The following RAET1E variants were observed in gnomAD, a reference collection of about 807,000 sequenced individuals.
The protein encoded by RAET1E is retinoic acid early transcript 1E, also known as NKG2D ligand 4.
In RAET1E, 27 loss-of-function variants were observed where a neutral mutation model predicts 21.1. The observed-to-expected ratio is 1.28, with a 90% CI of 0.94 to 1.76. The LOEUF is 1.76. Among genes scored for constraint, RAET1E ranks in the 40% most tolerant of loss-of-function variants. RAET1E has a pLI of 0.00. For synonymous variants in RAET1E, 113 were observed against 115.0 expected (o/e 0.98, Z 0.11); for missense variants, 310 against 311.3 (o/e 1.00, Z 0.03).
At position 149,888,361 on chromosome 6, in the gene RAET1E, A is replaced by G; in HGVS notation, c.*137T>C. 1 of 1,056,080 alleles carries G rather than the reference A, an allele frequency of 9.5e-7. No homozygotes were observed. Among genetic ancestry groups the G allele is most frequent in the Non-Finnish European group, 1.4e-6 (1 of 712,432 alleles). 65.4% of individuals were successfully genotyped at this position (1,056,080 alleles called of 1,614,324 possible). On this transcript the variant is annotated 3_prime_UTR_variant, in exon 6 of 6. Coordinates refer to ENST00000357183, the MANE Select transcript of RAET1E (RefSeq NM_001394057.1). ...ATTGCTTCATCCCTCCTCTCACTGC[A>G]CATTGTGCTGCCAGCCCTGCTGTGT...
rs1329291767 is a variant in RAET1E at position 149,886,255 on chromosome 6, A to G, written c.*2243T>C. ...GTACTTTTTAATTTGATATATAGTT[A>G]TTTGGAAGCATATTATTTGATATCC... On this transcript the variant is annotated 3_prime_UTR_variant, in exon 6 of 6. Coordinates refer to ENST00000357183, the MANE Select transcript of RAET1E (RefSeq NM_001394057.1). Among the ~76,000 whole-genome samples, 1 of 152,172 alleles carries G rather than the reference A, an allele frequency of 6.6e-6. No individual in the cohort carries two copies. Among genetic ancestry groups the G allele is most frequent in the Non-Finnish European group, 1.5e-5 (1 of 68,016 alleles).
chr6:149,890,822 A>G lies in RAET1E; in HGVS notation c.80T>C (p.Met27Thr), dbSNP rs2115510575. The change falls in exon 3 of 6, where the codon ATG (methionine) becomes ACG (threonine). Residue 27 changes from methionine to threonine, a missense_variant. Transcript: ENST00000357183. ...CTTGTGCTCAGGACACTCACCAACCATGATCTCCAAGGCTATTAGTAGCAA... is the reference window on the plus strand; with the variant it reads ...CTTGTGCTCAGGACACTCACCAACCGTGATCTCCAAGGCTATTAGTAGCAA... ...LLLLLIALEIMVGGHSLCFNF... is the reference protein window; with the variant it reads ...LLLLLIALEITVGGHSLCFNF... 2 of 1,611,048 alleles carry G rather than the reference A, an allele frequency of 1.2e-6. No homozygotes were observed. Among genetic ancestry groups the G allele is most frequent in the Non-Finnish European group, 1.7e-6 (2 of 1,177,380 alleles).
chr6:149,891,732 A>T (rs76917161), intron 2 of RAET1E, among the ~76,000 whole-genome samples: 4,865 of 152,004 alleles, frequency 0.032, 257 homozygotes, highest in African/African-American at 0.11. Context: ...ACAAAAAAAA[A>T]TTTTTTTTTA....
At chr6:149,893,645 A>T (rs996426906) in intron 2 of RAET1E, among the ~76,000 whole-genome samples, 1 of 152,228 alleles carries the variant, frequency 6.6e-6, no homozygotes, top group Admixed American at 6.5e-5. Flanking sequence ...TGTCATCTGC[A>T]AACAGAGACA....
Position 149,888,720 on chromosome 6 carries a change from A to T in RAET1E, c.623-53T>A, listed in dbSNP as rs1189047853. The T allele has an allele frequency of 6.2e-5, 95 of 1,544,558 alleles. 1 individual carries two copies. Among genetic ancestry groups the T allele is most frequent in the Non-Finnish European group, 8.2e-5 (95 of 1,158,412 alleles). ...AGCACAAGCCCTGTCACATAAAAAA[A>T]AAAAGCATAAAAATATGCTTTCCTT... On this transcript the variant is annotated intron_variant, in intron 5 of 5. Coordinates refer to ENST00000357183, the MANE Select transcript of RAET1E (RefSeq NM_001394057.1).
At chr6:149,897,515 T>C (rs949767537) in intron 1 of RAET1E, among the ~76,000 whole-genome samples, 1 of 152,184 alleles carries the variant, frequency 6.6e-6, no homozygotes, top group Non-Finnish European at 1.5e-5. Flanking sequence ...CACAGCCTTT[T>C]TGTGGCAGTG....
chr6:149,892,962 G>T (rs113026383), intron 2 of RAET1E, among the ~76,000 whole-genome samples: 3 of 151,952 alleles, frequency 2.0e-5, no homozygotes, highest in Non-Finnish European at 2.9e-5. Context: ...TTAAACAGGG[G>T]ATCTTTTCCC....
rs903672988 is a variant in RAET1E, at chr6:149,886,591, C to T, written c.*1907G>A. On this transcript the variant is annotated 3_prime_UTR_variant, in exon 6 of 6. Coordinates refer to ENST00000357183, the MANE Select transcript of RAET1E (RefSeq NM_001394057.1). Reference sequence around the variant, plus strand: ...TGTATTTTTAGTAGAGACAGGGTTTCGCCATGTTGGCCAGGCTGGTCTCGA... The same window carrying T: ...TGTATTTTTAGTAGAGACAGGGTTTTGCCATGTTGGCCAGGCTGGTCTCGA... Among the ~76,000 whole-genome samples, 4 of 152,178 alleles carry T rather than the reference C, an allele frequency of 2.6e-5. No individual in the cohort carries two copies. Among genetic ancestry groups the T allele is most frequent in the African/African-American group, 2.4e-5 (1 of 41,450 alleles).
chr6:149,892,972 C>T lies in RAET1E; in HGVS notation c.-133-1938G>A, dbSNP rs144901485. On this transcript the variant is annotated intron_variant, in intron 2 of 5. Transcript: ENST00000357183. ...ATTTATTAAACAGGGGATCTTTTCC[C>T]CATTGCTTGTGTGTGTCAGGTTTGT... Among the ~76,000 whole-genome samples, 237 of 152,246 alleles carry T rather than the reference C, an allele frequency of 1.6e-3. 1 individual carries two copies. The highest frequency in any genetic ancestry group is 5.6e-3 in the African/African-American group (231 of 41,542).
rs1457665453 is a variant in RAET1E, at chr6:149,885,146, C to A, written c.*3352G>T. On this transcript the variant is annotated 3_prime_UTR_variant, in exon 6 of 6. Coordinates refer to ENST00000357183, the MANE Select transcript of RAET1E (RefSeq NM_001394057.1). ...AGATGGTCAGATCATCAAGCTGCTG[C>A]CCCACCCAAAATTGTGTCTTGCCCA... Among the ~76,000 whole-genome samples, 1 of 152,172 alleles carries A rather than the reference C, an allele frequency of 6.6e-6. No homozygotes were observed. The highest frequency in any genetic ancestry group is 1.5e-5 in the Non-Finnish European group (1 of 68,038).
chr6:149,893,333 G>A (rs551195364), intron 2 of RAET1E, among the ~76,000 whole-genome samples: 23 of 152,312 alleles, frequency 1.5e-4, no homozygotes, highest in African/African-American at 5.3e-4. Context: ...CTATCCATGA[G>A]CATGGAATGT....
At position 149,884,289 on chromosome 6, in the gene RAET1E, A is replaced by G. The variant is rs1445775303; in HGVS notation, c.*4209T>C. ...TGCTGTGCCCAGCCCTATCTTTTAA[A>G]AAATATGTACTGAAAAAAAATTTTT... On this transcript the variant is annotated 3_prime_UTR_variant, in exon 6 of 6. Coordinates refer to ENST00000357183, the MANE Select transcript of RAET1E (RefSeq NM_001394057.1). 4 of 565,224 alleles carry G rather than the reference A, an allele frequency of 7.1e-6. No individual in the cohort carries two copies. Among genetic ancestry groups the G allele is most frequent in the Non-Finnish European group, 1.3e-5 (4 of 315,196 alleles). 35.0% of individuals were successfully genotyped at this position (565,224 alleles called of 1,614,324 possible).
intron 2 of RAET1E, among the ~76,000 whole-genome samples, chr6:149,893,590 G>A (rs1260069108): frequency 6.6e-6 from 1 of 152,220 alleles, no homozygotes; most frequent in African/African-American, 2.4e-5. Flanking sequence ...GTCAGCTTAA[G>A]GAGATTTTGG....
At chr6:149,893,855 C>T (rs538362335) in intron 2 of RAET1E, among the ~76,000 whole-genome samples, 6 of 152,216 alleles carry the variant, frequency 3.9e-5, no homozygotes, top group South Asian at 2.1e-4. Context: ...AAATAGCTCT[C>T]ATTATTTTCG....
chr6:149,890,489 A>G (rs977198865), intron 3 of RAET1E, among the ~76,000 whole-genome samples: 1 of 152,192 alleles, frequency 6.6e-6, no homozygotes, highest in African/African-American at 2.4e-5. Flanking sequence ...CTGAACACAC[A>G]TGACATTCAA....
rs1008114502 is a variant in RAET1E at position 149,885,217 on chromosome 6, C to G, written c.*3281G>C. On this transcript the variant is annotated 3_prime_UTR_variant, in exon 6 of 6. Transcript: ENST00000357183. ...CAGACCACCCATCACATAGGCAACC[C>G]CTGGAGAGTGACCCTGGTTTAAAGC... Among the ~76,000 whole-genome samples the G allele has an allele frequency of 9.2e-5, 14 of 152,002 alleles. No individual in the cohort carries two copies. The highest frequency in any genetic ancestry group is 1.9e-4 in the Non-Finnish European group (13 of 67,990).
Position 149,889,900 on chromosome 6 carries a change from G to T in RAET1E, c.331C>A (p.Gln111Lys). Reference protein sequence around the residue: ...LRMLLCDIKPQIKTSDPSTLQ... With the variant: ...LRMLLCDIKPKIKTSDPSTLQ... ...CCACACTTACCACTGGTCTTTATCT[G>T]GGGTTTGATGTCACAAAGGAGCATC... The change falls in exon 4 of 6, where the codon CAG (glutamine) becomes AAG (lysine). Residue 111 changes from glutamine (Q) to lysine (K), a missense_variant. By Grantham distance (53) the Gln-to-Lys change is moderately conservative (BLOSUM62 1). Transcript: ENST00000357183. The T allele has an allele frequency of 6.2e-7, 1 of 1,613,472 alleles. No homozygotes were observed. Among genetic ancestry groups the T allele is most frequent in the Non-Finnish European group, 8.5e-7 (1 of 1,179,632 alleles).
chr6:149,891,853 T>G (rs1245147771), intron 2 of RAET1E, among the ~76,000 whole-genome samples: 3 of 152,266 alleles, frequency 2.0e-5, no homozygotes, highest in African/African-American at 7.2e-5. Context: ...ACATTAGGTA[T>G]TTCTCCTAAT....
At chr6:149,893,274 C>A (rs1463993979) in intron 2 of RAET1E, among the ~76,000 whole-genome samples, 4 of 152,162 alleles carry the variant, frequency 2.6e-5, no homozygotes, top group African/African-American at 9.7e-5. Flanking sequence ...AGCATTGAAT[C>A]TATAAATTAC....
Sources: allele counts gnomAD v4.1 joint callset (sites outside exome capture counted in the v4.1 genomes callset), GRCh38; gene constraint gnomAD v4.1.1; transcripts MANE v1.5; gene names NCBI Gene and HGNC (gene_info 2026-07-23, HGNC 2026-07-21).